MOB3A: variants seen among roughly 807,000 people sequenced by gnomAD.
MOB3A encodes MOB kinase activator 3A.
Under a neutral mutation model 17.8 loss-of-function variants are expected in MOB3A, and 17 were observed. The observed-to-expected ratio is 0.95, with a 90% confidence interval of 0.65 to 1.43. The LOEUF (loss-of-function observed/expected upper bound fraction) is 1.43, where lower values mean the gene tolerates loss of function less well. MOB3A is among the 40% of genes most tolerant of loss of function. MOB3A has a pLI of 0.00. For synonymous variants in MOB3A, 124 were observed against 133.2 expected, an observed-to-expected ratio of 0.93 and a Z score of 0.48; for missense variants, 333 against 310.8, an observed-to-expected ratio of 1.07 and a Z score of -0.54.
intron 1 of MOB3A, among the ~76,000 whole-genome samples, chr19:2,092,655 G>A (rs2017626563): frequency 6.6e-6 from 1 of 151,434 alleles, no homozygotes; most frequent in South Asian, 2.1e-4. Context: ...CTACTCAGGA[G>A]GCTGAGGCAC....
chr19:2,076,942 G>C lies in MOB3A; in HGVS notation c.493C>G (p.His165Asp). 1.2e-6 allele frequency: 2 copies of C among 1,613,968 alleles called. No homozygotes were observed. The highest frequency in any genetic ancestry group is 1.7e-6 in the Non-Finnish European group (2 of 1,180,026). The stretch of plus-strand genomic sequence containing the variant: ...CGGTCAAAGTGGTGGATGTAGACGT[G>C]CACGAACACGCGGAACAGCCGCGAC... ...ILSRLFRVFVHVYIHHFDRIA... is the reference protein window; with the variant it reads ...ILSRLFRVFVDVYIHHFDRIA... Residue 165 changes from histidine to aspartate, a missense_variant, in exon 4 of 5, where the codon CAC becomes GAC. His to Asp is a moderately conservative substitution (Grantham distance 81). Coordinates refer to ENST00000357066, the MANE Select transcript of MOB3A (RefSeq NM_130807.3).
chr19:2,092,131 C>T (rs1275890702), intron 1 of MOB3A, among the ~76,000 whole-genome samples: 1 of 116,816 alleles, frequency 8.6e-6, no homozygotes, highest in Admixed American at 1.0e-4. Context: ...GATGAGGTTT[C>T]GCTCTATCCC....
chr19:2,094,316 G>T (rs2017645811), intron 1 of MOB3A, among the ~76,000 whole-genome samples: 1 of 152,098 alleles, frequency 6.6e-6, no homozygotes, highest in South Asian at 2.1e-4. Flanking sequence ...CAAAGTGTTG[G>T]GATCACAGGC....
intron 1 of MOB3A, among the ~76,000 whole-genome samples, chr19:2,091,343 T>C (rs2017611633): frequency 1.3e-5 from 2 of 152,130 alleles, no homozygotes; most frequent in Admixed American, 6.5e-5. Flanking sequence ...CAATATCCGA[T>C]AAGTGCAAAA....
Position 2,078,402 on chromosome 19 carries a change from CGG to C in MOB3A, c.157_158del (p.Pro53GlyfsTer17). The C allele has an allele frequency of 6.2e-7, 1 of 1,614,064 alleles. No individual in the cohort carries two copies. Among genetic ancestry groups the C allele is most frequent in the Non-Finnish European group, 8.5e-7 (1 of 1,179,976 alleles). On this transcript the variant is annotated frameshift_variant, in exon 3 of 5. Coordinates refer to ENST00000357066, the MANE Select transcript of MOB3A (RefSeq NM_130807.3). LOFTEE classifies it high-confidence loss of function. Reference protein sequence around the residue: ...LDLRLAVQLPPGEDLNDWVAV... With the variant: ...LDLRLAVQLPXGEDLNDWVAV... Reference sequence around the variant, plus strand: ...CCACCCAGTCGTTCAGGTCCTCGCCCGGGGGCAACTGCACGGCCAGCCGCAGG... The same window carrying C: ...CCACCCAGTCGTTCAGGTCCTCGCCCGGGCAACTGCACGGCCAGCCGCAGG...
rs2017449286 is a variant in MOB3A, at chr19:2,078,654, C to A, written c.-94G>T. On this transcript the variant is annotated 5_prime_UTR_variant, in exon 3 of 5. Transcript: ENST00000357066. ...AACCCGAGAGGCCACGAAACACTCA[C>A]CAAGCCCCACAGCTCTCCCGCGGAC... The A allele has an allele frequency of 1.6e-6, 2 of 1,246,638 alleles. No individual in the cohort carries two copies. The highest frequency in any genetic ancestry group is 2.4e-5 in the Admixed American group (1 of 41,778). The allele number at this position is 1,246,638 out of a possible 1,614,324, so 77.2% of individuals were successfully genotyped here.
At chr19:2,084,115 C>T (rs767359963) in intron 2 of MOB3A, 8 of 498,794 alleles carry the variant, frequency 1.6e-5, no homozygotes, top group Non-Finnish European at 3.2e-5. Context: ...GTCTACCAGA[C>T]TCACACCAAG....
chr19:2,083,543 C>A (rs2017516035), intron 2 of MOB3A, among the ~76,000 whole-genome samples: 1 of 152,256 alleles, frequency 6.6e-6, no homozygotes, highest in African/African-American at 2.4e-5. Context: ...TCCCCACATG[C>A]CTGTCTAGAT....
intron 1 of MOB3A, among the ~76,000 whole-genome samples, chr19:2,086,292 G>A (rs1262217594): frequency 2.0e-5 from 3 of 151,614 alleles, no homozygotes; most frequent in Non-Finnish European, 4.4e-5. Context: ...TGCCCACCTC[G>A]GCCTCCCAAA....
In MOB3A at chr19:2,073,323, G is replaced by C. The variant is rs1458456683; in HGVS notation, c.*72C>G. On this transcript the variant is annotated 3_prime_UTR_variant, in exon 5 of 5. Coordinates refer to ENST00000357066, the MANE Select transcript of MOB3A (RefSeq NM_130807.3). ...CAGGCCGGAGAGAAGCGGGATGATG[G>C]TTCCAGAGCGTCCTCCTCCAAGTCT... The C allele has an allele frequency of 4.4e-6, 7 of 1,574,990 alleles. No homozygotes were observed. Among genetic ancestry groups the C allele is most frequent in the Non-Finnish European group, 3.5e-6 (4 of 1,148,718 alleles).
intron 3 of MOB3A, 79 bp from the exon 4 acceptor site, chr19:2,077,092 G>A (rs2017421124): frequency 3.8e-6 from 5 of 1,304,986 alleles, no homozygotes; most frequent in East Asian, 2.5e-5. Flanking sequence ...GATGTGACAA[G>A]GGGCTTCCAG....
intron 4 of MOB3A, among the ~76,000 whole-genome samples, chr19:2,076,464 C>T (rs1223267201): frequency 2.0e-5 from 3 of 152,094 alleles, no homozygotes; most frequent in Non-Finnish European, 4.4e-5. Flanking sequence ...CAAAAAAAGT[C>T]GGGGTGGAGT....
chr19:2,095,713 C>T (rs938416224), intron 1 of MOB3A, among the ~76,000 whole-genome samples: 1 of 151,738 alleles, frequency 6.6e-6, no homozygotes, highest in Non-Finnish European at 1.5e-5. Flanking sequence ...TCCGGCTTCC[C>T]TGCCGCCTGA....
At chr19:2,074,908 G>A (rs573789643) in intron 4 of MOB3A, among the ~76,000 whole-genome samples, 192 of 152,112 alleles carry the variant, frequency 1.3e-3, no homozygotes, top group African/African-American at 4.3e-3. Flanking sequence ...TAGTAGCGAT[G>A]GGGTTTCACC....
chr19:2,090,670 A>AT (rs897412682), intron 1 of MOB3A, among the ~76,000 whole-genome samples: 17 of 148,938 alleles, frequency 1.1e-4, no homozygotes, highest in South Asian at 2.1e-4. Flanking sequence ...CAAATACGTT[A>AT]TTTTTTTTTT....
At chr19:2,079,699 A>T (rs890800484) in intron 2 of MOB3A, among the ~76,000 whole-genome samples, 1 of 152,204 alleles carries the variant, frequency 6.6e-6, no homozygotes, top group Non-Finnish European at 1.5e-5. Context: ...GCTGTGCCCA[A>T]GTCACTGGTC....
At chr19:2,080,919 T>C (rs1318248037) in intron 2 of MOB3A, among the ~76,000 whole-genome samples, 1 of 152,160 alleles carries the variant, frequency 6.6e-6, no homozygotes, top group Non-Finnish European at 1.5e-5. Flanking sequence ...GGTAGGTAGA[T>C]GGCTTGCGTC....
chr19:2,084,258 C>T (rs893108545), intron 2 of MOB3A: 55 of 440,148 alleles, frequency 1.2e-4, no homozygotes, highest in Non-Finnish European at 8.7e-5. Context: ...TTTGGGAGGC[C>T]GAGGTGGGTG....
In MOB3A at chr19:2,076,914, A is replaced by G. The variant is rs751133450; in HGVS notation, c.521T>C (p.Ile174Thr). ...GTGGGCCTCGGAGCCCATCTGCGCG[A>G]TGCGGTCAAAGTGGTGGATGTAGAC... is the stretch of plus-strand genomic sequence containing the variant. Reference protein sequence around the residue: ...VHVYIHHFDRIAQMGSEAHVN... With the variant: ...VHVYIHHFDRTAQMGSEAHVN... The change falls in exon 4 of 5, where the codon ATC becomes ACC. Residue 174 changes from isoleucine (I) to threonine (T), a missense_variant. By Grantham distance (89) the Ile-to-Thr change is moderately conservative. Coordinates refer to ENST00000357066, the MANE Select transcript of MOB3A (RefSeq NM_130807.3). 2.4e-5 allele frequency: 39 copies of G among 1,613,904 alleles called. No homozygotes were observed. Among genetic ancestry groups the G allele is most frequent in the Middle Eastern group, 3.3e-4 (2 of 6,084 alleles).
Sources: gnomAD v4.1 joint callset for allele counts (sites outside exome capture counted in the v4.1 genomes callset) on GRCh38, gnomAD v4.1.1 for gene constraint, MANE v1.5 for transcripts, NCBI Gene and HGNC (gene_info 2026-07-23, HGNC 2026-07-21) for gene names.